Variants in STX10 observed in about 807,000 individuals in gnomAD.
STX10 encodes syntaxin 10, also known as syntaxin-10.
STX10 carries 35 observed loss-of-function variants against 34.1 expected under a neutral mutation model. The observed-to-expected ratio is 1.03, with a 90% CI of 0.78 to 1.36. STX10 has a LOEUF of 1.36. Among genes scored for constraint, STX10 ranks in the 40% most tolerant of loss-of-function variants. The pLI, the probability that STX10 is intolerant of heterozygous loss-of-function variation, is 0.00. For synonymous variants in STX10, 155 were observed against 132.9 expected, an observed-to-expected ratio of 1.17 and a Z score of -1.15; for missense variants, 361 against 335.5, an observed-to-expected ratio of 1.08 and a Z score of -0.59.
At chr19:13,146,370 GA>G (rs2019900217) in intron 4 of STX10, among the ~76,000 whole-genome samples, 1 of 152,100 alleles carries the variant, frequency 6.6e-6, no homozygotes, top group African/African-American at 2.4e-5. Flanking sequence ...TTTTAGCTGG[GA>G]TTACAGGCAC....
chr19:13,147,154 T>C (rs750832192), intron 4 of STX10, among the ~76,000 whole-genome samples: 25 of 150,050 alleles, frequency 1.7e-4, no homozygotes, highest in Non-Finnish European at 3.4e-4. Flanking sequence ...TATTAGGATA[T>C]GAGGGGGGAA....
At chr19:13,149,446 A>AAAG in intron 3 of STX10, 53 bp downstream of exon 3, 4 of 1,241,550 alleles carry the variant, frequency 3.2e-6, no homozygotes, top group Non-Finnish European at 4.5e-6. Context: ...AAGAAAGAAA[A>AAAG]AAAAACACAC....
chr19:13,148,902 G>C, intron 4 of STX10, 127 bp downstream of exon 4: 1 of 712,498 alleles, frequency 1.4e-6, no homozygotes, highest in Non-Finnish European at 2.4e-6. Context: ...CAGGTAGACA[G>C]CAAGAAGATA....
chr19:13,150,366 G>C lies in STX10; in HGVS notation c.-193C>G. The C allele has an allele frequency of 1.8e-6, 1 of 566,576 alleles. No homozygotes were observed. Among genetic ancestry groups the C allele is most frequent in the Non-Finnish European group, 3.1e-6 (1 of 318,700 alleles). The allele number at this position is 566,576 out of a possible 1,614,324, so 35.1% of individuals were successfully genotyped here. On this transcript the variant is annotated 5_prime_UTR_variant, in exon 1 of 8. Coordinates refer to ENST00000587230, the MANE Select transcript of STX10 (RefSeq NM_003765.3). The surrounding 1 kb of genome is among the most constrained non-coding windows in gnomAD (Gnocchi z 4.0). ...CTTCCGCCCTCTCCTCAGCCATCTT[G>C]GTTGTGGGCAGAGGCAGCTTCCGGT...
In STX10 at chr19:13,144,883, G is replaced by C; in HGVS notation, c.472-13C>G. On this transcript the variant is annotated splice_polypyrimidine_tract_variant and intron_variant, in intron 5 of 7. Coordinates refer to ENST00000587230, the MANE Select transcript of STX10 (RefSeq NM_003765.3). ...CATCCATGATCAGCTGCAGAGCGAA[G>C]GGGTGGGAGATGCTGTTGAAAACGA... The C allele has an allele frequency of 6.2e-7, 1 of 1,607,566 alleles. No homozygotes were observed. The highest frequency in any genetic ancestry group is 8.5e-7 in the Non-Finnish European group (1 of 1,177,326).
chr19:13,148,948 G>T, intron 4 of STX10, 81 bp downstream of exon 4: 1 of 1,207,814 alleles, frequency 8.3e-7, no homozygotes, highest in East Asian at 2.6e-5. Flanking sequence ...GTCGCAAAAG[G>T]GACAGGTGAA....
At position 13,149,027 on chromosome 19, in the gene STX10, ACC is replaced by A; in HGVS notation, c.363_363+1del. 1 of 1,600,598 alleles carries A rather than the reference ACC, an allele frequency of 6.2e-7. No homozygotes were observed. The highest frequency in any genetic ancestry group is 8.5e-7 in the Non-Finnish European group (1 of 1,173,328). On this transcript the variant is annotated splice_donor_variant and coding_sequence_variant, in exon 4 of 8. Transcript: ENST00000587230. LOFTEE classifies it high-confidence loss of function. The stretch of plus-strand genomic sequence containing the variant: ...TGGGCAGGGTGGGTCAGGAAGGCTT[ACC>A]TCTCTGTTATTCCTCTCCAAAAATG...
chr19:13,148,401 G>T (rs2019957358), intron 4 of STX10, among the ~76,000 whole-genome samples: 1 of 151,928 alleles, frequency 6.6e-6, no homozygotes, highest in African/African-American at 2.4e-5. Flanking sequence ...TACTCGGGAG[G>T]CTGAGGCAGG....
intron 3 of STX10, 81 bp from the exon 4 acceptor site, chr19:13,149,172 G>A: frequency 7.8e-7 from 1 of 1,288,492 alleles, no homozygotes; most frequent in South Asian, 1.3e-5. Context: ...AGCACTTTGA[G>A]AGACCAAGCC....
chr19:13,149,061 C>A lies in STX10; in HGVS notation c.331G>T (p.Ala111Ser), dbSNP rs757034889. Reference protein sequence around the residue: ...EMKDHMVSPTAVAFLERNNRE... With the variant: ...EMKDHMVSPTSVAFLERNNRE... ...TTATTCCTCTCCAAAAATGCTACGG[C>A]TGTTGGGCTGACCATATGGTCCTTC... Residue 111 changes from alanine (A) to serine (S), a missense_variant, in exon 4 of 8, where the codon GCC becomes TCC. Ala to Ser is a moderately conservative substitution (Grantham distance 99). Coordinates refer to ENST00000587230, the MANE Select transcript of STX10 (RefSeq NM_003765.3). The A allele has an allele frequency of 6.2e-7, 1 of 1,602,992 alleles. No individual in the cohort carries two copies. The highest frequency in any genetic ancestry group is 1.1e-5 in the South Asian group (1 of 88,910).
chr19:13,149,666 A>G (rs1600025779), intron 2 of STX10, 62 bp downstream of exon 2: 1 of 1,607,502 alleles, frequency 6.2e-7, no homozygotes, highest in Non-Finnish European at 8.5e-7. Context: ...CCCTACCCGA[A>G]GGTGGGCTGC....
Position 13,145,407 on chromosome 19 carries a change from C to T in STX10, c.364-12G>A. 2 of 1,607,616 alleles carry T rather than the reference C, an allele frequency of 1.2e-6. No homozygotes were observed. The highest frequency in any genetic ancestry group is 8.5e-7 in the Non-Finnish European group (1 of 1,178,934). ...TTGCCTGCGAGTATCTGCAGGGGCA[C>T]ACAACATAGGCTCAGGGAGAGACCC... On this transcript the variant is annotated splice_polypyrimidine_tract_variant and intron_variant, in intron 4 of 7. Coordinates refer to ENST00000587230, the MANE Select transcript of STX10 (RefSeq NM_003765.3).
At chr19:13,144,909 C>A in intron 5 of STX10, 39 bp from the exon 6 acceptor site, 1 of 1,564,038 alleles carries the variant, frequency 6.4e-7, no homozygotes. Flanking sequence ...TTGAAAACGA[C>A]CCCAGAAGGC....
rs781371902 is a variant in STX10 at position 13,144,656 on chromosome 19, G to C, written c.594C>G (p.Phe198Leu). The change falls in exon 7 of 8, where the codon TTC (phenylalanine) becomes TTG (leucine). Residue 198 changes from phenylalanine (F) to leucine (L), a missense_variant. Transcript: ENST00000587230. ...ACTGGGTGTGGTCCATCTCTTGGGCGAAGGCATCCAGCATGCTGCCAAGAA... is the reference window on the plus strand; with the variant it reads ...ACTGGGTGTGGTCCATCTCTTGGGCCAAGGCATCCAGCATGCTGCCAAGAA... Reference protein sequence around the residue: ...LDEQGIMLDAFAQEMDHTQSR... With the variant: ...LDEQGIMLDALAQEMDHTQSR... 6.2e-7 allele frequency: 1 copy of C among 1,614,136 alleles called. No individual in the cohort carries two copies. Among genetic ancestry groups the C allele is most frequent in the South Asian group, 1.1e-5 (1 of 91,082 alleles).
chr19:13,146,561 GAC>G (rs2019903759), intron 4 of STX10, among the ~76,000 whole-genome samples: 1 of 151,044 alleles, frequency 6.6e-6, no homozygotes. Context: ...GTTTGTCTGA[GAC>G]AGAGTCTTGC....
chr19:13,149,807 C>G lies in STX10; in HGVS notation c.126G>C (p.Glu42Asp), dbSNP rs752564031. The G allele has an allele frequency of 9.9e-6, 16 of 1,613,862 alleles. No homozygotes were observed. In the Admixed American group the frequency reaches 2.7e-4, roughly 27 times the overall value. Residue 42 changes from glutamate to aspartate, a missense_variant, in exon 2 of 8, where the codon GAG (glutamate) becomes GAC (aspartate). By Grantham distance (45) the Glu-to-Asp change is conservative. Coordinates refer to ENST00000587230, the MANE Select transcript of STX10 (RefSeq NM_003765.3). ...LQESAAVGRE[E>D]LDWTTNELRN... ...GCAGCTCATTGGTCGTCCAGTCCAG[C>G]TCCTCGCGTCCGACCGCCGCGCTTT...
chr19:13,144,794 C>T lies in STX10; in HGVS notation c.548G>A (p.Arg183His), dbSNP rs79550776. Residue 183 changes from arginine (R) to histidine (H), a missense_variant, in exon 6 of 8, where the codon CGC becomes CAC. Arg to His is a conservative substitution (Grantham distance 29). Transcript: ENST00000587230. ...CTGCTCGTCCAGCTCTTCTCCAACG[C>T]GGCCGGACATGTGCTTCAGAACCTG... ...SIQVLKHMSG[R>H]VGEELDEQGI... 6.5e-4 allele frequency: 1,054 copies of T among 1,613,986 alleles called. 5 individuals are homozygous for T. In the African/African-American group the frequency reaches 0.012, roughly 18 times the overall value.
intron 3 of STX10, 47 bp downstream of exon 3, chr19:13,149,452 C>T (rs761087008): frequency 1.1e-6 from 1 of 928,270 alleles, no homozygotes. Flanking sequence ...GAAAAAAAAA[C>T]ACACTCAAAC....
In STX10 at chr19:13,150,178, G is replaced by A. The variant is rs1359560671; in HGVS notation, c.-5C>T. On this transcript the variant is annotated 5_prime_UTR_variant, in exon 1 of 8. Transcript: ENST00000587230. This position sits in a 1 kb window ranked among gnomAD's most constrained non-coding sequence, Gnocchi z 4.0. The stretch of plus-strand genomic sequence containing the variant: ...AAAGGGGTCTTCGAGAGACATGTCA[G>A]TCCCTTCCCCCCCAGGCCGAACCCC... 1.8e-6 allele frequency: 2 copies of A among 1,082,856 alleles called. No individual in the cohort carries two copies. Among genetic ancestry groups the A allele is most frequent in the Non-Finnish European group, 2.8e-6 (2 of 710,934 alleles). 67.1% of individuals were successfully genotyped at this position (1,082,856 alleles called of 1,614,324 possible).
Sources: allele counts gnomAD v4.1 joint callset (sites outside exome capture counted in the v4.1 genomes callset), GRCh38; gene constraint gnomAD v4.1.1; non-coding constraint Gnocchi (gnomAD v3.1); transcripts MANE v1.5; gene names NCBI Gene and HGNC (gene_info 2026-07-23, HGNC 2026-07-21).